LPP: variants seen among roughly 807,000 people sequenced by gnomAD.
LPP encodes the protein LIM domain containing preferred translocation partner in lipoma, also known as lipoma-preferred partner.
LPP carries 38 observed loss-of-function variants against 60.4 expected under a neutral mutation model. The ratio of observed to expected loss-of-function variants is 0.63; its 90% confidence interval spans 0.49 to 0.83. The LOEUF is 0.83. Ranked by LOEUF, LPP falls within the 40% of genes least tolerant of loss-of-function variation. LPP has a pLI of 0.00. For synonymous variants in LPP, 328 were observed against 290.8 expected, an observed-to-expected ratio of 1.13 and a Z score of -1.30; for missense variants, 902 against 783.6, an observed-to-expected ratio of 1.15 and a Z score of -1.80.
intron 2 of LPP, among the ~76,000 whole-genome samples, chr3:188,230,416 T>TA (rs1719461232): frequency 6.6e-6 from 1 of 152,182 alleles, no homozygotes; most frequent in Non-Finnish European, 1.5e-5. Context: ...TTTCAGGCCT[T>TA]ACGCTGAGTG....
intron 3 of LPP, among the ~76,000 whole-genome samples, chr3:188,399,235 A>G (rs892844329): frequency 1.3e-5 from 2 of 152,180 alleles, no homozygotes; most frequent in African/African-American, 4.8e-5. Flanking sequence ...CTAAATACTG[A>G]GATGTGAACA....
intron 5 of LPP, among the ~76,000 whole-genome samples, chr3:188,508,192 G>T (rs573726209): frequency 6.6e-6 from 1 of 152,156 alleles, no homozygotes; most frequent in Admixed American, 6.5e-5. Context: ...GGAAAGAGGG[G>T]GCTTATGGGA....
At chr3:188,375,692 G>T (rs1036193987) in intron 3 of LPP, among the ~76,000 whole-genome samples, 1 of 151,742 alleles carries the variant, frequency 6.6e-6, no homozygotes, top group Non-Finnish European at 1.5e-5. Context: ...GGGTTTTTTT[G>T]TGTCTCTATT....
In LPP at chr3:188,607,387, AT is replaced by A. The variant is rs1560628366; in HGVS notation, c.430-1773del. Among the ~76,000 whole-genome samples, 16 of 21,704 alleles carry A rather than the reference AT, an allele frequency of 7.4e-4. No homozygotes were observed. The East Asian group carries it at 0.077, about 105-fold the overall frequency. The allele number at this position is 21,704 out of a possible 152,430, so 14.2% of individuals were successfully genotyped here. A position where few individuals can be genotyped will look rare whatever the true frequency, so the allele number is the denominator to read the frequency against. On this transcript the variant is annotated intron_variant, in intron 6 of 11. Coordinates refer to ENST00000617246, the MANE Select transcript of LPP (RefSeq NM_001375462.1). The stretch of plus-strand genomic sequence containing the variant: ...AAATAGAAGATATATATATATATAT[AT>A]ATATATATATATATATATATATATA...
At chr3:188,403,852 A>G (rs1292794559) in intron 3 of LPP, among the ~76,000 whole-genome samples, 1 of 152,148 alleles carries the variant, frequency 6.6e-6, no homozygotes, top group African/African-American at 2.4e-5. Context: ...AAGTTTAGCA[A>G]GTATGTATGT....
chr3:188,817,769 T>C (rs543439997), intron 9 of LPP, among the ~76,000 whole-genome samples: 1 of 152,210 alleles, frequency 6.6e-6, no homozygotes, highest in South Asian at 2.1e-4. Context: ...GTCTAAAAAC[T>C]AAAATTTCAA....
intron 8 of LPP, among the ~76,000 whole-genome samples, chr3:188,752,134 G>A (rs1306119614): frequency 2.6e-5 from 4 of 152,204 alleles, no homozygotes; most frequent in Admixed American, 6.5e-5. Flanking sequence ...ACACCTTCTA[G>A]ATGTTACCTC....
chr3:188,327,450 A>G (rs1038814856), intron 2 of LPP, among the ~76,000 whole-genome samples: 1 of 152,196 alleles, frequency 6.6e-6, no homozygotes, highest in Non-Finnish European at 1.5e-5. Flanking sequence ...CAGAAATCTT[A>G]TGAGGTAGTT....
At chr3:188,542,602 C>T (rs1225918029) in intron 6 of LPP, among the ~76,000 whole-genome samples, 1 of 152,186 alleles carries the variant, frequency 6.6e-6, no homozygotes, top group Admixed American at 6.6e-5. Context: ...GATGTGGTCA[C>T]AAACATAAAC....
At chr3:188,729,822 G>GAAAA (rs201767392) in intron 8 of LPP, among the ~76,000 whole-genome samples, 1 of 137,646 alleles carries the variant, frequency 7.3e-6, no homozygotes. Context: ...TACAAAAAGT[G>GAAAA]AAAAAAAAAA....
intron 6 of LPP, among the ~76,000 whole-genome samples, chr3:188,566,152 A>C (rs1305179465): frequency 6.6e-6 from 1 of 151,980 alleles, no homozygotes; most frequent in African/African-American, 2.4e-5. Flanking sequence ...TTTGAAAATT[A>C]TACAGTTGTG....
At chr3:188,691,676 A>G (rs1456832199) in intron 7 of LPP, among the ~76,000 whole-genome samples, 2 of 152,212 alleles carry the variant, frequency 1.3e-5, no homozygotes, top group African/African-American at 4.8e-5. Flanking sequence ...ATGATTTCCT[A>G]AATAGCACCC....
At chr3:188,644,977 C>T (rs1850838127) in intron 7 of LPP, among the ~76,000 whole-genome samples, 1 of 152,196 alleles carries the variant, frequency 6.6e-6, no homozygotes, top group Non-Finnish European at 1.5e-5. Context: ...TATTGAAGCT[C>T]TCTAAACTTC....
intron 9 of LPP, among the ~76,000 whole-genome samples, chr3:188,830,008 TAAA>T (rs11360601): frequency 1.4e-5 from 2 of 143,990 alleles, no homozygotes; most frequent in Non-Finnish European, 1.5e-5. Flanking sequence ...CCCATCTCAT[TAAA>T]AAAAAAAAAA....
At chr3:188,825,263 C>CTGTGTG (rs1272019929) in intron 9 of LPP, among the ~76,000 whole-genome samples, 8 of 103,598 alleles carry the variant, frequency 7.7e-5, no homozygotes, top group African/African-American at 2.8e-4. Flanking sequence ...CTCTCTCTCT[C>CTGTGTG]TCTCTCTGTG....
intron 3 of LPP, among the ~76,000 whole-genome samples, chr3:188,358,064 T>C (rs1467096770): frequency 6.6e-6 from 1 of 152,210 alleles, no homozygotes; most frequent in African/African-American, 2.4e-5. Flanking sequence ...TTCTAAACTC[T>C]CTGGGACTTG....
At chr3:188,360,016 A>G (rs1442918305) in intron 3 of LPP, among the ~76,000 whole-genome samples, 3 of 152,092 alleles carry the variant, frequency 2.0e-5, no homozygotes, top group Admixed American at 1.3e-4. Context: ...AGTCCCTCAC[A>G]AGATACCTCT....
chr3:188,856,541 A>C (rs1763882527), intron 9 of LPP, among the ~76,000 whole-genome samples: 1 of 152,170 alleles, frequency 6.6e-6, no homozygotes, highest in Admixed American at 6.5e-5. Flanking sequence ...CTTTATATCT[A>C]TTTACATTCT....
chr3:188,466,806 C>CAT (rs56406660), intron 4 of LPP, among the ~76,000 whole-genome samples: 14 of 106,506 alleles, frequency 1.3e-4, no homozygotes, highest in African/African-American at 5.5e-4. Flanking sequence ...CATCTCAGAA[C>CAT]ATATATATAT....
Sources: allele counts gnomAD v4.1 joint callset (sites outside exome capture counted in the v4.1 genomes callset), GRCh38; gene constraint gnomAD v4.1.1; transcripts MANE v1.5; gene names NCBI Gene and HGNC (gene_info 2026-07-23, HGNC 2026-07-21).